Variants in TFEC observed in about 807,000 individuals in gnomAD.
The protein encoded by TFEC is class E basic helix-loop-helix protein 34.
TFEC carries 31 observed loss-of-function variants against 41.6 expected under a neutral mutation model. The ratio of observed to expected loss-of-function variants is 0.74; its 90% CI spans 0.56 to 1.01. The LOEUF is 1.01. TFEC is among the 50% of genes least tolerant of loss of function. The pLI, the probability that TFEC is intolerant of heterozygous loss-of-function variation, is 0.00. For missense variants in TFEC, 402 were observed against 404.1 expected, an observed-to-expected ratio of 0.99 and a Z score of 0.04; for synonymous variants, 143 against 140.6, an observed-to-expected ratio of 1.02 and a Z score of -0.12.
chr7:116,135,715 C>A (rs1401956630), intron 1 of TFEC, among the ~76,000 whole-genome samples: 1 of 151,996 alleles, frequency 6.6e-6, no homozygotes, highest in African/African-American at 2.4e-5. Context: ...CTTTCTGCCC[C>A]CTGCAAAGTG....
chr7:116,112,614 T>C (rs1468914521), intron 1 of TFEC, among the ~76,000 whole-genome samples: 1 of 152,016 alleles, frequency 6.6e-6, no homozygotes, highest in Non-Finnish European at 1.5e-5. Flanking sequence ...AAAGGGAAGA[T>C]GTTTCTAGAA....
chr7:115,968,324 T>C (rs1792968622), intron 3 of TFEC: 2 of 1,487,210 alleles, frequency 1.3e-6, no homozygotes, highest in South Asian at 2.6e-5. Context: ...TGAACTTTGG[T>C]TCTTCTTTGG....
chr7:115,952,759 C>T (rs1344489552), intron 5 of TFEC, among the ~76,000 whole-genome samples: 3 of 152,024 alleles, frequency 2.0e-5, no homozygotes, highest in Admixed American at 1.3e-4. Context: ...TCACTCTTCA[C>T]AAAGTTTTTG....
chr7:116,090,966 G>A (rs1416478799), intron 3 of TFEC, among the ~76,000 whole-genome samples: 2 of 152,032 alleles, frequency 1.3e-5, no homozygotes, highest in African/African-American at 4.8e-5. Flanking sequence ...GGGCCTGTCG[G>A]GGGTGGGGGG....
rs557384932 is a variant in TFEC at position 116,001,486 on chromosome 7, C to T, written c.-72-16973G>A. On this transcript the variant is annotated intron_variant, in intron 1 of 7. Coordinates refer to ENST00000265440, the MANE Select transcript of TFEC (RefSeq NM_012252.4). ...CTCCAGCCTGGGCGACAGAGCGAGA[C>T]TCAGTCTCAGGAAAAAAAAAAAACA... 4.7e-5 allele frequency among the ~76,000 whole-genome samples: 7 copies of T among 150,272 alleles called. No individual in the cohort carries two copies. In the East Asian group the frequency reaches 1.4e-3, roughly 29 times the overall value.
chr7:116,126,867 C>T (rs2116267605), intron 1 of TFEC, among the ~76,000 whole-genome samples: 1 of 152,230 alleles, frequency 6.6e-6, no homozygotes, highest in Admixed American at 6.5e-5. Flanking sequence ...GTACACAAAA[C>T]AACCTGTCCA....
intron 1 of TFEC, among the ~76,000 whole-genome samples, chr7:116,114,128 T>C (rs1169090569): frequency 6.6e-6 from 1 of 152,094 alleles, no homozygotes; most frequent in African/African-American, 2.4e-5. Context: ...TTTGATACTT[T>C]AAACTTCAAA....
intron 3 of TFEC, among the ~76,000 whole-genome samples, chr7:116,071,191 G>A (rs538725692): frequency 6.6e-6 from 1 of 151,178 alleles, no homozygotes; most frequent in African/African-American, 2.4e-5. Flanking sequence ...ACACCTAAAT[G>A]AAAAGAAAAA....
Position 116,080,358 on chromosome 7 carries a change from GAAAT to G in TFEC, c.198+30346_198+30349del, listed in dbSNP as rs1797059154. 2.0e-5 allele frequency among the ~76,000 whole-genome samples: 3 copies of G among 152,082 alleles called. No individual in the cohort carries two copies. In the South Asian group the frequency reaches 6.2e-4, roughly 32 times the overall value. On this transcript the variant is annotated intron_variant, in intron 3 of 8. Transcript: ENST00000484212. ...ACTAAAAAGCTTCTGCACAGCAAAA[GAAAT>G]AATCAGCAGAGTGAAAAGACAACCC...
chr7:116,123,145 A>T (rs1200288952), intron 1 of TFEC, among the ~76,000 whole-genome samples: 3 of 152,254 alleles, frequency 2.0e-5, no homozygotes, highest in South Asian at 2.1e-4. Flanking sequence ...ACATTTTTTT[A>T]AAAAACTACA....
intron 7 of TFEC, chr7:115,941,686 CAT>C: frequency 6.7e-6 from 4 of 592,662 alleles, no homozygotes; most frequent in Non-Finnish European, 1.2e-5. Flanking sequence ...TACATATATA[CAT>C]ATTCAGCCAT....
chr7:115,959,171 G>C (rs1426815426), intron 3 of TFEC, among the ~76,000 whole-genome samples: 1 of 151,504 alleles, frequency 6.6e-6, no homozygotes, highest in African/African-American at 2.4e-5. Flanking sequence ...TGTGACAATA[G>C]GCAAACATTA....
intron 3 of TFEC, among the ~76,000 whole-genome samples, chr7:116,062,652 G>A (rs1240474283): frequency 2.2e-5 from 3 of 139,208 alleles, no homozygotes; most frequent in African/African-American, 8.0e-5. Context: ...CAATATTTTT[G>A]CAAATTGCAA....
intron 3 of TFEC, among the ~76,000 whole-genome samples, chr7:115,967,870 A>C (rs928344882): frequency 6.6e-6 from 1 of 151,868 alleles, no homozygotes; most frequent in Non-Finnish European, 1.5e-5. Context: ...TAATAAATAA[A>C]AACAATTAAT....
intron 1 of TFEC, chr7:116,121,577 C>T (rs570410517): frequency 6.6e-6 from 1 of 152,070 alleles, no homozygotes; most frequent in South Asian, 2.1e-4. Context: ...ATGTGAATTT[C>T]ACTTCAACAA....
At chr7:116,114,708 C>A (rs976168882) in intron 1 of TFEC, among the ~76,000 whole-genome samples, 3 of 151,968 alleles carry the variant, frequency 2.0e-5, no homozygotes, top group Admixed American at 6.6e-5. Context: ...CACCTAGAAA[C>A]AACTGACGCT....
chr7:115,957,678 C>T (rs1022151425), intron 3 of TFEC, among the ~76,000 whole-genome samples: 65 of 151,840 alleles, frequency 4.3e-4, no homozygotes, highest in Admixed American at 1.3e-3. Flanking sequence ...TATCTTTCTT[C>T]CACTTCTGTG....
At chr7:116,127,560 A>G (rs776758943) in intron 1 of TFEC, among the ~76,000 whole-genome samples, 2 of 151,870 alleles carry the variant, frequency 1.3e-5, no homozygotes, top group African/African-American at 4.8e-5. Context: ...ACAAATCCCT[A>G]TTTGTTCTAT....
At chr7:116,154,419 T>C (rs942407209) in intron 1 of TFEC, among the ~76,000 whole-genome samples, 1 of 152,158 alleles carries the variant, frequency 6.6e-6, no homozygotes, top group South Asian at 2.1e-4. Flanking sequence ...GTAACTAACA[T>C]GTACTCCTTC....
Sources: gnomAD v4.1 joint callset for allele counts (sites outside exome capture counted in the v4.1 genomes callset) on GRCh38, gnomAD v4.1.1 for gene constraint, MANE v1.5 for transcripts, NCBI Gene and HGNC (gene_info 2026-07-23, HGNC 2026-07-21) for gene names.